The following EXOC4 variants were observed in gnomAD, a reference collection of about 807,000 sequenced individuals.
The protein encoded by EXOC4 is exocyst complex component 4.
In EXOC4, 71 loss-of-function variants were observed where a neutral mutation model predicts 107.2. The observed-to-expected ratio is 0.66, with a 90% CI of 0.55 to 0.81. The LOEUF (loss-of-function observed/expected upper bound fraction) is 0.81. EXOC4 is among the 30% of genes least tolerant of loss of function. The pLI, the probability that EXOC4 is intolerant of heterozygous loss-of-function variation, is 0.00. For synonymous variants in EXOC4, 456 were observed against 441.2 expected (o/e 1.03, Z -0.42); for missense variants, 1,108 against 1,189.6 (o/e 0.93, Z 1.01).
chr7:134,087,362 C>T, the EXOC4 span, among the ~76,000 whole-genome samples: 19 of 152,216 alleles, frequency 1.2e-4, no homozygotes, highest in African/African-American at 3.9e-4. Flanking sequence ...AGCATTGGTA[C>T]GGTGAGGGAC....
intron 11 of EXOC4, among the ~76,000 whole-genome samples, chr7:133,875,106 G>A (rs369673677): frequency 1.3e-5 from 2 of 152,332 alleles, no homozygotes; most frequent in East Asian, 3.9e-4. Context: ...ACCTCTGGTG[G>A]CAGCTTGATA....
At chr7:133,640,730 C>A (rs536673023) in intron 10 of EXOC4, among the ~76,000 whole-genome samples, 1 of 152,146 alleles carries the variant, frequency 6.6e-6, no homozygotes, top group Non-Finnish European at 1.5e-5. Flanking sequence ...TTTGGGTTTT[C>A]TGATCAGTCA....
rs181915538 is a variant in EXOC4, at chr7:133,732,657, A to C, written c.1515-84668A>C. 1,099 of 153,724 alleles carry C rather than the reference A, an allele frequency of 7.1e-3. 12 individuals are homozygous for C. Among genetic ancestry groups the C allele is most frequent in the Middle Eastern group, 0.023 (7 of 302 alleles). The allele number at this position is 153,724 out of a possible 1,614,324, so 9.5% of individuals were successfully genotyped here. A position where few individuals can be genotyped will look rare whatever the true frequency, so the allele number is the denominator to read the frequency against. On this transcript the variant is annotated intron_variant, in intron 10 of 17. Transcript: ENST00000253861. The stretch of plus-strand genomic sequence containing the variant: ...GCATTTTTACTTTTCTAACCAAGAC[A>C]TCATGGAAAGGATAAATAGATTAGC...
At chr7:133,535,037 C>G (rs528627315) in intron 9 of EXOC4, among the ~76,000 whole-genome samples, 1 of 152,250 alleles carries the variant, frequency 6.6e-6, no homozygotes, top group East Asian at 1.9e-4. Context: ...GATGGGCCCT[C>G]ATTTGTGCTC....
intron 10 of EXOC4, among the ~76,000 whole-genome samples, chr7:133,667,543 C>T (rs1793848356): frequency 1.3e-5 from 2 of 152,182 alleles, no homozygotes; most frequent in South Asian, 4.1e-4. Flanking sequence ...GAGTGTAATA[C>T]TTTCCTAAGC....
intron 9 of EXOC4, among the ~76,000 whole-genome samples, chr7:133,629,433 C>A (rs146378538): frequency 6.6e-6 from 1 of 152,300 alleles, no homozygotes; most frequent in East Asian, 1.9e-4. Flanking sequence ...TTCACCTTAA[C>A]TGAATTGTAG....
chr7:134,008,101 A>G (rs1423940882), intron 17 of EXOC4, among the ~76,000 whole-genome samples: 1 of 152,190 alleles, frequency 6.6e-6, no homozygotes, highest in Non-Finnish European at 1.5e-5. Flanking sequence ...TTCTGCATGT[A>G]AAAGTATACA....
chr7:133,782,979 G>C (rs2151175297), intron 10 of EXOC4, among the ~76,000 whole-genome samples: 1 of 152,322 alleles, frequency 6.6e-6, no homozygotes, highest in Admixed American at 6.5e-5. Context: ...CTGAATCTCA[G>C]CTATGCCATA....
intron 10 of EXOC4, among the ~76,000 whole-genome samples, chr7:133,686,072 A>G (rs1408640781): frequency 6.6e-6 from 1 of 152,128 alleles, no homozygotes. Flanking sequence ...ATGGGTTATC[A>G]TGAGATTGGG....
intron 13 of EXOC4, among the ~76,000 whole-genome samples, chr7:133,937,456 A>C (rs1800329958): frequency 6.6e-6 from 1 of 152,174 alleles, no homozygotes; most frequent in African/African-American, 2.4e-5. Context: ...AACATTATTC[A>C]ATATTTTCTA....
At chr7:133,795,729 T>A (rs1386631304) in intron 10 of EXOC4, among the ~76,000 whole-genome samples, 1 of 152,208 alleles carries the variant, frequency 6.6e-6, no homozygotes, top group Non-Finnish European at 1.5e-5. Context: ...ATGGTGGAAC[T>A]TATGTGACAA....
chr7:134,036,287 T>C (rs1795388225), intron 17 of EXOC4, among the ~76,000 whole-genome samples: 2 of 152,156 alleles, frequency 1.3e-5, no homozygotes, highest in Admixed American at 6.5e-5. Context: ...TTATGTATCA[T>C]ACCAAAATCC....
At chr7:133,535,201 T>A (rs905307022) in intron 9 of EXOC4, among the ~76,000 whole-genome samples, 2 of 152,214 alleles carry the variant, frequency 1.3e-5, no homozygotes, top group Admixed American at 6.5e-5. Context: ...TGCCTCATTG[T>A]GGGAGGTTAA....
At chr7:133,305,761 G>C in intron 3 of EXOC4, 116 bp from the exon 4 acceptor site, 1 of 815,368 alleles carries the variant, frequency 1.2e-6, no homozygotes, top group Non-Finnish European at 1.8e-6. Context: ...TTTATATGCT[G>C]ATAAAGTTCT....
chr7:133,786,091 A>C (rs944361830), intron 10 of EXOC4, among the ~76,000 whole-genome samples: 2 of 152,244 alleles, frequency 1.3e-5, no homozygotes, highest in Non-Finnish European at 2.9e-5. Context: ...TATTTGGTAA[A>C]TAAAATAAAC....
intron 10 of EXOC4, among the ~76,000 whole-genome samples, chr7:133,758,367 GACCGCAAGTGATTCTCCC>G (rs1290600673): frequency 7.9e-5 from 12 of 152,150 alleles, no homozygotes; most frequent in Admixed American, 5.9e-4. Flanking sequence ...TCGAATTCCA[GACCGCAAGTGATTCTCCC>G]ACCTCTGCTT....
rs34668596 is a variant in EXOC4 at position 133,270,920 on chromosome 7, C to CTTTTTT, written c.87-4051_87-4046dup. 1.9e-4 allele frequency among the ~76,000 whole-genome samples: 26 copies of CTTTTTT among 136,304 alleles called. 2 individuals carry two copies. The South Asian group carries it at 5.7e-3, about 30-fold the overall frequency. 89.4% of individuals were successfully genotyped at this position (136,304 alleles called of 152,430 possible). ...AATTAGTCAGCTCTTTCATGCTTTG[C>CTTTTTT]TTTTTTTTTTTTTTTTGAGATGGAG... is the stretch of plus-strand genomic sequence containing the variant. On this transcript the variant is annotated intron_variant, in intron 1 of 17. Transcript: ENST00000253861.
At chr7:133,456,518 CAGTA>C (rs1002004952) in intron 7 of EXOC4, among the ~76,000 whole-genome samples, 2 of 152,160 alleles carry the variant, frequency 1.3e-5, no homozygotes, top group Non-Finnish European at 2.9e-5. Context: ...TGGTAAATAA[CAGTA>C]AGCCACATTC....
chr7:133,752,374 CTG>C (rs1431890742), intron 10 of EXOC4, among the ~76,000 whole-genome samples: 1 of 152,178 alleles, frequency 6.6e-6, no homozygotes, highest in Non-Finnish European at 1.5e-5. Flanking sequence ...CTTTCTGTCT[CTG>C]TGAATTTGGT....
Sources: gnomAD v4.1 joint callset for allele counts (sites outside exome capture counted in the v4.1 genomes callset) on GRCh38, gnomAD v4.1.1 for gene constraint, MANE v1.5 for transcripts, NCBI Gene and HGNC (gene_info 2026-07-23, HGNC 2026-07-21) for gene names.